SLC12A7: variants seen among roughly 807,000 people sequenced by gnomAD.
SLC12A7 encodes solute carrier family 12 member 7, also known as K-Cl cotransporter 4.
In SLC12A7, 100 loss-of-function variants were observed where a neutral mutation model predicts 120.6. The observed-to-expected ratio is 0.83, with a 90% confidence interval of 0.71 to 0.98. SLC12A7 has a LOEUF of 0.98. Among genes scored for constraint, SLC12A7 ranks in the 50% least tolerant of loss-of-function variants. The pLI is 0.00. For missense variants in SLC12A7, 1,373 were observed against 1,548.1 expected, an observed-to-expected ratio of 0.89 and a Z score of 1.90; for synonymous variants, 760 against 678.0, an observed-to-expected ratio of 1.12 and a Z score of -1.88.
chr5:1,078,703 A>C lies in SLC12A7; in HGVS notation c.1452T>G (p.Asp484Glu). The C allele has an allele frequency of 6.2e-7, 1 of 1,611,906 alleles. No homozygotes were observed. Among genetic ancestry groups the C allele is most frequent in the Middle Eastern group, 1.7e-4 (1 of 6,060 alleles). The change falls in exon 11 of 24, where the codon GAT becomes GAG. Residue 484 changes from aspartate (D) to glutamate (E), a missense_variant and splice_region_variant. Transcript: ENST00000264930. ...GAAAACTGCAGGTGGAAACGTACTT[A>C]TCTCGTAAGACCACGCCTTCAATGC... ...GACIEGVVLRDKFGEALQGNL... is the reference protein window; with the variant it reads ...GACIEGVVLREKFGEALQGNL...
chr5:1,094,095 T>C (rs1054045828), intron 2 of SLC12A7, 59 bp downstream of exon 2: 1 of 1,454,360 alleles, frequency 6.9e-7, no homozygotes, highest in Admixed American at 1.7e-5. Context: ...GGGGCTCCTT[T>C]ACTTTTCCAC....
At chr5:1,124,918 C>T in the SLC12A7 span, among the ~76,000 whole-genome samples, 24,046 of 152,172 alleles carry the variant, frequency 0.16, 2,072 homozygotes, top group Admixed American at 0.24. Context: ...CAGCAAAATC[C>T]AGAGAACTGG....
intron 12 of SLC12A7, among the ~76,000 whole-genome samples, chr5:1,077,016 T>C (rs940123426): frequency 4.3e-4 from 66 of 152,112 alleles, no homozygotes; most frequent in African/African-American, 1.4e-3. Context: ...TTCAGAGCTG[T>C]GCCTACGCCC....
At chr5:1,107,737 C>T (rs1020810648) in intron 1 of SLC12A7, among the ~76,000 whole-genome samples, 2 of 152,196 alleles carry the variant, frequency 1.3e-5, no homozygotes, top group African/African-American at 4.8e-5. Flanking sequence ...GACAGAAAAC[C>T]ACCGTGGAAT....
At chr5:1,102,849 C>A (rs943257656) in intron 1 of SLC12A7, among the ~76,000 whole-genome samples, 3 of 152,124 alleles carry the variant, frequency 2.0e-5, no homozygotes, top group African/African-American at 7.2e-5. Flanking sequence ...GGGGACAGCC[C>A]GAGACTGAAT....
rs1407620636 is a variant in SLC12A7 at position 1,051,344 on chromosome 5, CGT to C, written c.*1014_*1015del. On this transcript the variant is annotated 3_prime_UTR_variant, in exon 24 of 24. Transcript: ENST00000264930. ...CTGGAGCACCGGGGTGGGGATGGCA[CGT>C]GTGAGCCAGCTCAGAGGCTGAACTG... 7.8e-6 allele frequency: 1 copy of C among 129,018 alleles called. No individual in the cohort carries two copies. Among genetic ancestry groups the C allele is most frequent in the African/African-American group, 2.9e-5 (1 of 34,244 alleles). 8.0% of individuals were successfully genotyped at this position (129,018 alleles called of 1,614,324 possible). A position where few individuals can be genotyped will look rare whatever the true frequency, so the allele number is the denominator to read the frequency against.
At chr5:1,065,181 G>A in intron 18 of SLC12A7, 102 bp downstream of exon 18, 1 of 960,460 alleles carries the variant, frequency 1.0e-6, no homozygotes. Context: ...TGAGAGGACA[G>A]CGAGGGGACA....
rs889459774 is a variant in SLC12A7 at position 1,075,711 on chromosome 5, A to G, written c.1848-221T>C. Reference sequence around the variant, plus strand: ...GCTGTCACTCCAAAACCCAGTACATAGCTCCAGCTCCCAGCGTGCACACAG... The same window carrying G: ...GCTGTCACTCCAAAACCCAGTACATGGCTCCAGCTCCCAGCGTGCACACAG... On this transcript the variant is annotated intron_variant, in intron 14 of 23. Coordinates refer to ENST00000264930, the MANE Select transcript of SLC12A7 (RefSeq NM_006598.3). 4.6e-5 allele frequency among the ~76,000 whole-genome samples: 7 copies of G among 152,308 alleles called. No individual in the cohort carries two copies. In the East Asian group the frequency reaches 7.7e-4, roughly 17 times the overall value.
chr5:1,111,832 C>G, intron 1 of SLC12A7, 36 bp downstream of exon 1: 1 of 1,198,716 alleles, frequency 8.3e-7, no homozygotes, highest in Non-Finnish European at 1.0e-6. Flanking sequence ...GCTCGGGGCG[C>G]TCGGCCTTTG....
At chr5:1,119,222 T>A in the SLC12A7 span, among the ~76,000 whole-genome samples, 1 of 151,154 alleles carries the variant, frequency 6.6e-6, no homozygotes. Flanking sequence ...CTGCACAACC[T>A]CCCCTGCGTT....
the SLC12A7 span, among the ~76,000 whole-genome samples, chr5:1,150,828 C>T: frequency 6.6e-6 from 1 of 152,236 alleles, no homozygotes; most frequent in Non-Finnish European, 1.5e-5. Context: ...TTTTCAGACA[C>T]CAGAACCAGT....
chr5:1,154,356 C>T, the SLC12A7 span, among the ~76,000 whole-genome samples: 1 of 105,804 alleles, frequency 9.5e-6, no homozygotes, highest in Admixed American at 1.1e-4. Context: ...GTGTCCGCAA[C>T]ACACACACAC....
chr5:1,153,214 CCCAGTCCCTGGGCGGT>C, the SLC12A7 span, among the ~76,000 whole-genome samples: 23,793 of 152,110 alleles, frequency 0.16, 1,950 homozygotes, highest in Middle Eastern at 0.24. Flanking sequence ...GACGGGCTTG[CCCAGTCCCTGGGCGGT>C]CCAGCCCAGC....
the SLC12A7 span, among the ~76,000 whole-genome samples, chr5:1,149,326 C>T: frequency 6.6e-6 from 1 of 152,204 alleles, no homozygotes; most frequent in Non-Finnish European, 1.5e-5. Context: ...CCTGTAATCC[C>T]AGCACTTTGG....
the SLC12A7 span, among the ~76,000 whole-genome samples, chr5:1,119,014 G>A: frequency 3.9e-5 from 6 of 152,090 alleles, no homozygotes; most frequent in African/African-American, 1.4e-4. Flanking sequence ...GGGCACAGAC[G>A]ACTGCTCCCG....
intron 1 of SLC12A7, among the ~76,000 whole-genome samples, chr5:1,109,315 C>G (rs1742808989): frequency 6.6e-6 from 1 of 152,184 alleles, no homozygotes; most frequent in African/African-American, 2.4e-5. Context: ...TCCCCCAAGT[C>G]AGTTACAAAA....
the SLC12A7 span, among the ~76,000 whole-genome samples, chr5:1,121,171 C>A: frequency 6.6e-6 from 1 of 152,244 alleles, no homozygotes; most frequent in Admixed American, 6.5e-5. Context: ...TGGGCTGTTT[C>A]TGTCACATTC....
intron 1 of SLC12A7, among the ~76,000 whole-genome samples, chr5:1,100,995 C>T (rs1286076077): frequency 2.6e-5 from 4 of 152,168 alleles, no homozygotes; most frequent in Non-Finnish European, 4.4e-5. Context: ...CTGAGCCCCG[C>T]ACCCATGGCC....
At chr5:1,143,636 T>G in the SLC12A7 span, among the ~76,000 whole-genome samples, 1 of 152,170 alleles carries the variant, frequency 6.6e-6, no homozygotes, top group Non-Finnish European at 1.5e-5. Flanking sequence ...GTGTCCTGCA[T>G]GCGCCTCCAC....
Sources: gnomAD v4.1 joint callset for allele counts (sites outside exome capture counted in the v4.1 genomes callset) on GRCh38, gnomAD v4.1.1 for gene constraint, MANE v1.5 for transcripts, NCBI Gene and HGNC (gene_info 2026-07-23, HGNC 2026-07-21) for gene names.